Variants in DMD observed in about 807,000 individuals in gnomAD.
The protein encoded by DMD is mutant dystrophin.
A neutral mutation model predicts 330.1 loss-of-function variants in DMD; 63 were observed. That is an observed-to-expected ratio of 0.19 (90% CI 0.16 to 0.24). The LOEUF is 0.24. DMD is among the 10% of genes least tolerant of loss of function. The pLI, the probability that DMD is intolerant of heterozygous loss-of-function variation, is 1.00. For synonymous variants in DMD, 1,223 were observed against 959.8 expected, an observed-to-expected ratio of 1.27 and a Z score of -5.07; for missense variants, 3,344 against 2,684.1, an observed-to-expected ratio of 1.25 and a Z score of -5.43.
chrX:32,352,636 T>G (rs769416648), intron 37 of DMD, among the ~76,000 whole-genome samples: 1 of 110,997 alleles, frequency 9.0e-6, no homozygotes, highest in Admixed American at 9.7e-5. Context: ...TGTAAAGAAC[T>G]AATATCTCAT....
Position 31,612,495 on chromosome X carries a change from A to G in DMD, c.8217+15178T>C, listed in dbSNP as rs1461257548. ...GTGATGTGAAATGCATTTTCTACTT[A>G]GTTGAAAGTCACTTGAAAAGAAAAA... is the stretch of plus-strand genomic sequence containing the variant. On this transcript the variant is annotated intron_variant, in intron 55 of 78. Coordinates refer to ENST00000357033, the MANE Select transcript of DMD (RefSeq NM_004006.3). Among the ~76,000 whole-genome samples, 4 of 111,950 alleles carry G rather than the reference A, an allele frequency of 3.6e-5. No homozygotes were observed. In the Admixed American group the frequency reaches 3.8e-4, roughly 11 times the overall value.
At chrX:31,531,775 C>G (rs2073856119) in intron 55 of DMD, among the ~76,000 whole-genome samples, 1 of 106,619 alleles carries the variant, frequency 9.4e-6, no homozygotes, top group Admixed American at 1.1e-4. Context: ...ATAACGAATA[C>G]AGAGAAGTGC....
chrX:32,863,242 C>T (rs1036482210), intron 2 of DMD, among the ~76,000 whole-genome samples: 4 of 110,297 alleles, frequency 3.6e-5, no homozygotes, highest in Admixed American at 9.7e-5. Context: ...ATAGGCTAGG[C>T]GCAGTGGCTC....
chrX:33,145,421 A>G (rs1262536812), intron 1 of DMD, among the ~76,000 whole-genome samples: 3 of 111,472 alleles, frequency 2.7e-5, no homozygotes, highest in Non-Finnish European at 5.6e-5. Context: ...TCTCAATGCA[A>G]CACTTTTATC....
At chrX:31,833,053 C>A (rs2149478710) in intron 49 of DMD, among the ~76,000 whole-genome samples, 1 of 110,552 alleles carries the variant, frequency 9.0e-6, no homozygotes, top group South Asian at 3.9e-4. Context: ...AAATGGGGTG[C>A]TATTGAGGAC....
intron 60 of DMD, among the ~76,000 whole-genome samples, chrX:31,444,061 C>T (rs2065118492): frequency 9.1e-6 from 1 of 109,887 alleles, no homozygotes; most frequent in Non-Finnish European, 1.9e-5. Context: ...AGAACTGGCA[C>T]CTCCCCTCCC....
intron 53 of DMD, among the ~76,000 whole-genome samples, chrX:31,663,698 CTCTT>C (rs1056552784): frequency 2.7e-5 from 3 of 111,455 alleles, no homozygotes; most frequent in African/African-American, 9.8e-5. Flanking sequence ...TACTCCCTCT[CTCTT>C]TGTGTGTTCC....
At chrX:32,729,889 C>T (rs1267199288) in intron 7 of DMD, among the ~76,000 whole-genome samples, 1 of 112,125 alleles carries the variant, frequency 8.9e-6, no homozygotes, top group Non-Finnish European at 1.9e-5. Context: ...TCTAAATGTA[C>T]TAGCAAAACT....
At chrX:32,517,979 A>G (rs2046026390) in intron 18 of DMD, 29 bp downstream of exon 18, 1 of 1,204,445 alleles carries the variant, frequency 8.3e-7, no homozygotes, top group Non-Finnish European at 1.1e-6. Context: ...CAAAATGAGT[A>G]CAGATATAAA....
intron 68 of DMD, among the ~76,000 whole-genome samples, chrX:31,182,105 A>G (rs1166035458): frequency 8.9e-6 from 1 of 112,579 alleles, no homozygotes; most frequent in Non-Finnish European, 1.9e-5. Flanking sequence ...TAAATGTATA[A>G]GGACTGGTTG....
chrX:32,223,897 C>T (rs1329346877), intron 43 of DMD, among the ~76,000 whole-genome samples: 4 of 111,396 alleles, frequency 3.6e-5, no homozygotes, highest in South Asian at 7.6e-4. Context: ...AAAATCTTAA[C>T]GTTACTATGA....
intron 55 of DMD, among the ~76,000 whole-genome samples, chrX:31,539,852 C>A (rs2073686523): frequency 9.0e-6 from 1 of 111,705 alleles, no homozygotes; most frequent in Admixed American, 9.5e-5. Flanking sequence ...CACCAGTAAA[C>A]AGGAAAGACA....
intron 2 of DMD, among the ~76,000 whole-genome samples, chrX:32,991,206 A>G (rs746900559): frequency 1.8e-5 from 2 of 109,647 alleles, no homozygotes; most frequent in East Asian, 5.7e-4. Context: ...TTTTTGTTAA[A>G]TAATTCAGTT....
At chrX:31,340,813 T>C (rs1230616376) in intron 61 of DMD, among the ~76,000 whole-genome samples, 1 of 112,318 alleles carries the variant, frequency 8.9e-6, no homozygotes, top group Non-Finnish European at 1.9e-5. Context: ...ATTCATTCTG[T>C]AAATATTTAC....
chrX:33,011,950 C>G (rs761975314), intron 2 of DMD, among the ~76,000 whole-genome samples: 11 of 111,388 alleles, frequency 9.9e-5, no homozygotes, highest in African/African-American at 3.6e-4. Context: ...GAGACCACTC[C>G]AGAGAATATA....
chrX:33,151,059 C>A (rs2048263926), intron 1 of DMD, among the ~76,000 whole-genome samples: 1 of 112,550 alleles, frequency 8.9e-6, no homozygotes, highest in East Asian at 2.8e-4. Flanking sequence ...GAGAGGTCAG[C>A]ATGCTTTGCT....
chrX:31,571,823 C>T (rs1569552124), intron 55 of DMD, among the ~76,000 whole-genome samples: 1 of 111,399 alleles, frequency 9.0e-6, no homozygotes, highest in Non-Finnish European at 1.9e-5. Context: ...AATGTGACAA[C>T]CAAGAATTTC....
rs775157056 is a variant in DMD, at chrX:31,134,236, A to AG, written c.10922-43dup. 4.7e-6 allele frequency: 5 copies of AG among 1,070,907 alleles called. No individual in the cohort carries two copies. In the East Asian group the frequency reaches 1.2e-4, roughly 26 times the overall value. 88.3% of individuals were successfully genotyped at this position (1,070,907 alleles called of 1,213,427 possible). A position where few individuals can be genotyped will look rare whatever the true frequency, so the allele number is the denominator to read the frequency against. ...ACAAATAATGGAAAATTACATTTAT[A>AG]GAAAACAGATATTAAAGGGCCATGA... On this transcript the variant is annotated intron_variant, in intron 76 of 78. Transcript: ENST00000357033.
intron 44 of DMD, among the ~76,000 whole-genome samples, chrX:32,056,411 G>T (rs1368320310): frequency 1.1e-5 from 1 of 91,304 alleles, no homozygotes; most frequent in Non-Finnish European, 2.2e-5. Context: ...AAAAAAAAAG[G>T]AAAATTCAAA....
Sources: allele counts gnomAD v4.1 joint callset (sites outside exome capture counted in the v4.1 genomes callset), GRCh38; gene constraint gnomAD v4.1.1; transcripts MANE v1.5; gene names NCBI Gene and HGNC (gene_info 2026-07-23, HGNC 2026-07-21).